Variants in ENDOV observed in about 807,000 individuals in gnomAD.
The protein encoded by ENDOV is hEndoV.
A neutral mutation model predicts 39.4 loss-of-function variants in ENDOV; 37 were observed. That is an observed-to-expected ratio of 0.94 (90% CI 0.72 to 1.23). The LOEUF is 1.23. Ranked by LOEUF, ENDOV falls within the 50% of genes most tolerant of loss-of-function variation. ENDOV has a pLI of 0.00. For synonymous variants in ENDOV, 186 were observed against 163.4 expected, an observed-to-expected ratio of 1.14 and a Z score of -1.05; for missense variants, 441 against 375.7, an observed-to-expected ratio of 1.17 and a Z score of -1.44.
At position 80,425,490 on chromosome 17, in the gene ENDOV, A is replaced by T; in HGVS notation, c.586-2A>T. The T allele has an allele frequency of 6.3e-7, 1 of 1,594,790 alleles. No individual in the cohort carries two copies. Among genetic ancestry groups the T allele is most frequent in the Non-Finnish European group, 8.5e-7 (1 of 1,175,206 alleles). On this transcript the variant is annotated splice_acceptor_variant, in intron 6 of 9. Coordinates refer to ENST00000518137, the MANE Select transcript of ENDOV (RefSeq NM_173627.5). LOFTEE classifies it high-confidence loss of function. ...GGACAGCCCTCGCCTTCCTTGTCACAGGCCCTGAGGAGCCACGACCGCAGC... is the reference window on the plus strand; with the variant it reads ...GGACAGCCCTCGCCTTCCTTGTCACTGGCCCTGAGGAGCCACGACCGCAGC...
rs769230784 is a variant in ENDOV, at chr17:80,419,612, C to T, written c.229-2216C>T. 212 of 702,842 alleles carry T rather than the reference C, an allele frequency of 3.0e-4. 1 individual carries two copies. Among genetic ancestry groups the T allele is most frequent in the Middle Eastern group, 1.1e-3 (5 of 4,392 alleles). 43.5% of individuals were successfully genotyped at this position (702,842 alleles called of 1,614,324 possible). On this transcript the variant is annotated intron_variant, in intron 2 of 9. Coordinates refer to ENST00000518137, the MANE Select transcript of ENDOV (RefSeq NM_173627.5). The stretch of plus-strand genomic sequence containing the variant: ...TCTGCCTTCAGGTAGCAAAACAGAA[C>T]GGATCTTCCCTGCCTTCTGCTTGTC...
chr17:80,429,992 A>AC, intron 9 of ENDOV, 161 bp downstream of exon 9: 1 of 1,540,082 alleles, frequency 6.5e-7, no homozygotes, highest in Non-Finnish European at 8.7e-7. Flanking sequence ...GACACTGACC[A>AC]CCCCTGGGGG....
At chr17:80,419,971 G>T in intron 2 of ENDOV, 1 of 361,368 alleles carries the variant, frequency 2.8e-6, no homozygotes, top group East Asian at 4.9e-5. Flanking sequence ...TCTTTTCCCA[G>T]ATTTTTAATT....
Position 80,436,173 on chromosome 17 carries a change from T to A in ENDOV, c.*30T>A, listed in dbSNP as rs376747293. 1.9e-6 allele frequency: 3 copies of A among 1,595,312 alleles called. No homozygotes were observed. Among genetic ancestry groups the A allele is most frequent in the Non-Finnish European group, 2.6e-6 (3 of 1,171,868 alleles). On this transcript the variant is annotated 3_prime_UTR_variant, in exon 10 of 10. Transcript: ENST00000518137. ...GGTGGTGAGAGCACACGTCCTCGTC[T>A]CATTCCTGATCGAACGCGGTGGTGA...
At chr17:80,431,449 GC>G (rs41301896) in intron 9 of ENDOV, among the ~76,000 whole-genome samples, 2,793 of 152,340 alleles carry the variant, frequency 0.018, 36 homozygotes, top group Non-Finnish European at 0.027. Context: ...GACAAGTGGG[GC>G]TGGGGGGAGC....
In ENDOV at chr17:80,423,618, C is replaced by T. The variant is rs749643553; in HGVS notation, c.502C>T (p.Leu168=). The T allele has an allele frequency of 4.5e-6, 7 of 1,552,274 alleles. No homozygotes were observed. The highest frequency in any genetic ancestry group is 5.2e-6 in the Non-Finnish European group (6 of 1,148,540). The change falls in exon 5 of 10, where the codon CTG becomes TTG. Residue 168 remains leucine, a synonymous_variant. Transcript: ENST00000518137. The part of the protein sequence containing the change: ...LQVDGLENNA[L]HKEKIRLLQT... ...GGTGGATGGGCTGGAGAACAACGCCCTGCACAAGGAGAAGGTGAGGAGGGG... is the reference window on the plus strand; with the variant it reads ...GGTGGATGGGCTGGAGAACAACGCCTTGCACAAGGAGAAGGTGAGGAGGGG...
rs573908180 is a variant in ENDOV at position 80,430,305 on chromosome 17, C to T, written c.838+474C>T. 131 of 1,512,108 alleles carry T rather than the reference C, an allele frequency of 8.7e-5. 4 individuals carry two copies. The South Asian group carries it at 1.4e-3, about 17-fold the overall frequency. 93.7% of individuals were successfully genotyped at this position (1,512,108 alleles called of 1,614,324 possible). On this transcript the variant is annotated intron_variant, in intron 9 of 9. Coordinates refer to ENST00000518137, the MANE Select transcript of ENDOV (RefSeq NM_173627.5). ...CGACCCCTGCAGCCTGTGCTTTGCC[C>T]ACCCCTTTCAATAGATGGAACTTGC...
At chr17:80,423,498 C>CCA in intron 4 of ENDOV, 22 bp from the exon 5 acceptor site, 1 of 1,541,386 alleles carries the variant, frequency 6.5e-7, no homozygotes, top group Non-Finnish European at 8.8e-7. Flanking sequence ...TCCCCAACCC[C>CCA]ACCCTCCTTT....
chr17:80,415,595 G>A (rs2081006833), intron 1 of ENDOV, 55 bp from the exon 2 acceptor site: 1 of 1,576,464 alleles, frequency 6.3e-7, no homozygotes, highest in Non-Finnish European at 8.6e-7. Context: ...CGCGGGTGGA[G>A]GAGGCAGAGT....
intron 2 of ENDOV, among the ~76,000 whole-genome samples, chr17:80,421,051 G>A (rs908977310): frequency 3.3e-5 from 5 of 152,148 alleles, no homozygotes; most frequent in African/African-American, 1.2e-4. Context: ...ACACAAAGGA[G>A]GAGACACCAG....
intron 2 of ENDOV, 77 bp from the exon 3 acceptor site, chr17:80,421,751 G>A (rs2082061315): frequency 1.3e-6 from 2 of 1,519,680 alleles, no homozygotes; most frequent in African/African-American, 2.7e-5. Context: ...GATGAGGGGG[G>A]CAGGGCATGG....
intron 7 of ENDOV, 130 bp from the exon 8 acceptor site, chr17:80,428,466 A>G (rs2083000521): frequency 1.2e-6 from 1 of 866,334 alleles, no homozygotes; most frequent in Non-Finnish European, 1.8e-6. Flanking sequence ...CTGAGCCTGA[A>G]GAACTGGCTG....
At chr17:80,425,405 T>G in intron 6 of ENDOV, 87 bp from the exon 7 acceptor site, 5 of 1,506,750 alleles carry the variant, frequency 3.3e-6, no homozygotes, top group Non-Finnish European at 4.4e-6. Context: ...CCCAGGACAT[T>G]TTGTCAGAGC....
intron 9 of ENDOV, among the ~76,000 whole-genome samples, chr17:80,432,721 C>T (rs568562848): frequency 1.3e-4 from 20 of 152,128 alleles, no homozygotes; most frequent in East Asian, 5.8e-4. Flanking sequence ...CCAATGCTGG[C>T]GATGGGGGAC....
At chr17:80,423,474 G>GGC in intron 4 of ENDOV, 46 bp from the exon 5 acceptor site, 86 of 1,449,718 alleles carry the variant, frequency 5.9e-5, no homozygotes, top group Non-Finnish European at 7.5e-5. Flanking sequence ...CCTGTGCCAG[G>GGC]CCCCAGCCCC....
At chr17:80,424,524 C>G (rs542084818) in intron 5 of ENDOV, among the ~76,000 whole-genome samples, 43 of 152,326 alleles carry the variant, frequency 2.8e-4, no homozygotes, top group African/African-American at 9.9e-4. Context: ...GTGGGCAGCA[C>G]CCTCAGCTCA....
At position 80,415,788 on chromosome 17, in the gene ENDOV, T is replaced by C; in HGVS notation, c.195T>C (p.Ala65=). 1 of 1,602,834 alleles carries C rather than the reference T, an allele frequency of 6.2e-7. No homozygotes were observed. Among genetic ancestry groups the C allele is most frequent in the South Asian group, 1.1e-5 (1 of 89,008 alleles). Residue 65 remains alanine (A), a synonymous_variant, in exon 2 of 10, where the codon GCT becomes GCC. Coordinates refer to ENST00000518137, the MANE Select transcript of ENDOV (RefSeq NM_173627.5). ...AAGGGGACAGTGTCCGCGCTTGTGC[T>C]TCCCTGGTGGTGCTCAGCTTCCCTG... ...FVKGDSVRAC[A]SLVVLSFPEL...
At chr17:80,424,076 C>T (rs574214519) in intron 5 of ENDOV, 1 of 391,698 alleles carries the variant, frequency 2.6e-6, no homozygotes, top group Non-Finnish European at 4.5e-6. Flanking sequence ...GCCACCCACA[C>T]TCTTCCTACC....
At chr17:80,429,676 C>G in intron 8 of ENDOV, 97 bp from the exon 9 acceptor site, 1 of 1,222,218 alleles carries the variant, frequency 8.2e-7, no homozygotes, top group Non-Finnish European at 1.2e-6. Context: ...CCTGAGTGTC[C>G]AGGCCAAGCG....
Sources: allele counts gnomAD v4.1 joint callset (sites outside exome capture counted in the v4.1 genomes callset), GRCh38; gene constraint gnomAD v4.1.1; transcripts MANE v1.5; gene names NCBI Gene and HGNC (gene_info 2026-07-23, HGNC 2026-07-21).